The following SCP2 variants were observed in gnomAD, a reference collection of about 807,000 sequenced individuals.
SCP2 encodes the protein SCP-2/3-oxoacyl-CoA thiolase.
In SCP2, 48 loss-of-function variants were observed where a neutral mutation model predicts 71.4. The observed-to-expected ratio is 0.67, with a 90% CI of 0.53 to 0.86. The LOEUF is 0.86. Among genes scored for constraint, SCP2 ranks in the 40% least tolerant of loss-of-function variants. SCP2 has a pLI of 0.00. For synonymous variants in SCP2, 220 were observed against 218.1 expected (o/e 1.01, Z -0.08); for missense variants, 560 against 655.6 (o/e 0.85, Z 1.59).
At chr1:53,024,620 G>T (rs977831422) in intron 12 of SCP2, among the ~76,000 whole-genome samples, 17 of 150,052 alleles carry the variant, frequency 1.1e-4, no homozygotes, top group African/African-American at 4.2e-4. Flanking sequence ...GCCCAGGCTG[G>T]AGTGCAGTGG....
At chr1:52,985,072 A>G (rs1170507501) in intron 10 of SCP2, among the ~76,000 whole-genome samples, 1 of 151,434 alleles carries the variant, frequency 6.6e-6, no homozygotes. Flanking sequence ...CGAACTCCTG[A>G]CCTCAGGTGA....
rs376399217 is a variant in SCP2 at position 53,013,952 on chromosome 1, G to A, written c.1082-938G>A. Among the ~76,000 whole-genome samples the A allele has an allele frequency of 6.9e-3, 912 of 132,828 alleles. 18 individuals are homozygous for A. Among genetic ancestry groups the A allele is most frequent in the African/African-American group, 0.023 (825 of 35,674 alleles). The allele number at this position is 132,828 out of a possible 152,430, so 87.1% of individuals were successfully genotyped here. On this transcript the variant is annotated intron_variant, in intron 11 of 15. Transcript: ENST00000371514. ...GCTCTGTCGCCCAGGCTGGAGTGCA[G>A]TGGCCCGATCTCAGCTCACTGCAAG...
intron 4 of SCP2, among the ~76,000 whole-genome samples, chr1:52,954,305 CTT>C (rs1361159733): frequency 6.7e-6 from 1 of 148,520 alleles, no homozygotes; most frequent in African/African-American, 2.5e-5. Context: ...CAGACTGAAA[CTT>C]TGTGTCAAAA....
chr1:52,972,345 C>T (rs980445480), intron 6 of SCP2, among the ~76,000 whole-genome samples: 7 of 152,146 alleles, frequency 4.6e-5, no homozygotes, highest in African/African-American at 1.7e-4. Flanking sequence ...CATCAGTGGC[C>T]AGGCTTAATA....
intron 1 of SCP2, 63 bp from the exon 2 acceptor site, chr1:52,941,733 T>TAA (rs1654266099): frequency 1.0e-6 from 1 of 956,760 alleles, no homozygotes; most frequent in Non-Finnish European, 1.6e-6. Context: ...AGACTCCGTC[T>TAA]CAAAAAAAAA....
intron 12 of SCP2, among the ~76,000 whole-genome samples, chr1:53,024,567 CT>C (rs1213742580): frequency 1.4e-5 from 2 of 141,318 alleles, no homozygotes; most frequent in African/African-American, 2.7e-5. Flanking sequence ...TTCTTTCTTT[CT>C]TTTTTTTTCT....
rs554511373 is a variant in SCP2, at chr1:53,051,082, T to G, written c.*378T>G. On this transcript the variant is annotated 3_prime_UTR_variant, in exon 16 of 16. Coordinates refer to ENST00000371514, the MANE Select transcript of SCP2 (RefSeq NM_002979.5). ...TGCTGAAGATTCAGTTTAAGAGTTT[T>G]CCTTGGGAGAACTAAGTAAGAAACA... The G allele has an allele frequency of 6.0e-6, 1 of 165,878 alleles. No homozygotes were observed. Among genetic ancestry groups the G allele is most frequent in the South Asian group, 1.6e-4 (1 of 6,320 alleles). 10.3% of individuals were successfully genotyped at this position (165,878 alleles called of 1,614,324 possible).
At chr1:53,034,980 C>G (rs1572218252) in intron 13 of SCP2, among the ~76,000 whole-genome samples, 1 of 152,194 alleles carries the variant, frequency 6.6e-6, no homozygotes, top group African/African-American at 2.4e-5. Context: ...TGGCGGGCAC[C>G]TGTAGTCCCA....
At chr1:52,971,715 C>T (rs1425897381) in intron 6 of SCP2, among the ~76,000 whole-genome samples, 2 of 152,198 alleles carry the variant, frequency 1.3e-5, no homozygotes. Context: ...GCCTGTCCAT[C>T]TAGGTTCTTC....
chr1:52,965,573 A>G (rs575092094), intron 6 of SCP2, among the ~76,000 whole-genome samples: 5 of 152,212 alleles, frequency 3.3e-5, no homozygotes, highest in South Asian at 2.1e-4. Flanking sequence ...GCTATTGCAC[A>G]TGGACTTTTC....
chr1:52,927,333 G>C lies in SCP2; in HGVS notation c.-64G>C. On this transcript the variant is annotated 5_prime_UTR_variant, in exon 1 of 16. Coordinates refer to ENST00000371514, the MANE Select transcript of SCP2 (RefSeq NM_002979.5). ...TCGGGCTTCAGGGAGCTCTGGTGCA[G>C]TCTCCGCCTGTCAGTGCCGGCAGTC... 3.6e-6 allele frequency: 5 copies of C among 1,402,820 alleles called. No homozygotes were observed. Among genetic ancestry groups the C allele is most frequent in the Non-Finnish European group, 3.9e-6 (4 of 1,016,530 alleles). The allele number at this position is 1,402,820 out of a possible 1,614,324, so 86.9% of individuals were successfully genotyped here. A position where few individuals can be genotyped will look rare whatever the true frequency, so the allele number is the denominator to read the frequency against.
chr1:52,983,500 C>T lies in SCP2; in HGVS notation c.973+2957C>T, dbSNP rs796649116. Among the ~76,000 whole-genome samples, 20 of 152,270 alleles carry T rather than the reference C, an allele frequency of 1.3e-4. 1 individual carries two copies. The highest frequency in any genetic ancestry group is 4.6e-4 in the African/African-American group (19 of 41,572). ...TCCCATAGGTCCCTGAAACTGTTCA[C>T]TTTGAATCCCCTTTTCTCTCTGTTC... On this transcript the variant is annotated intron_variant, in intron 10 of 15. Transcript: ENST00000371514.
chr1:52,936,378 T>C (rs1185588275), intron 1 of SCP2, among the ~76,000 whole-genome samples: 1 of 152,252 alleles, frequency 6.6e-6, no homozygotes. Flanking sequence ...ATGTAGTCTC[T>C]GCTGCTAACA....
chr1:52,982,091 T>C (rs945363224), intron 10 of SCP2, among the ~76,000 whole-genome samples: 1 of 152,190 alleles, frequency 6.6e-6, no homozygotes, highest in African/African-American at 2.4e-5. Flanking sequence ...CTATAGAGCA[T>C]GGTTTATCAA....
At chr1:52,954,244 G>T (rs1655594517) in intron 4 of SCP2, among the ~76,000 whole-genome samples, 1 of 150,838 alleles carries the variant, frequency 6.6e-6, no homozygotes, top group Non-Finnish European at 1.5e-5. Flanking sequence ...AGCCTGAGAG[G>T]TTGAAGCTGC....
chr1:53,043,995 CT>C (rs748293317), intron 14 of SCP2, among the ~76,000 whole-genome samples: 2 of 152,036 alleles, frequency 1.3e-5, no homozygotes, highest in Non-Finnish European at 2.9e-5. Context: ...ATAATAAAAC[CT>C]TTTTTTCTAT....
Position 52,941,790 on chromosome 1 carries a change from C to A in SCP2, c.70-6C>A. Reference sequence around the variant, plus strand: ...TTGTATTTATTATCTCTTTCTATATCTCTAGTTTGTGAAGCCTGGAGCTGA... The same window carrying A: ...TTGTATTTATTATCTCTTTCTATATATCTAGTTTGTGAAGCCTGGAGCTGA... On this transcript the variant is annotated splice_region_variant and splice_polypyrimidine_tract_variant and intron_variant, in intron 1 of 15. Coordinates refer to ENST00000371514, the MANE Select transcript of SCP2 (RefSeq NM_002979.5). The A allele has an allele frequency of 6.3e-7, 1 of 1,575,240 alleles. No individual in the cohort carries two copies. The highest frequency in any genetic ancestry group is 8.7e-7 in the Non-Finnish European group (1 of 1,145,052).
chr1:52,936,139 C>T (rs1653722483), intron 1 of SCP2, among the ~76,000 whole-genome samples: 1 of 152,148 alleles, frequency 6.6e-6, no homozygotes, highest in Non-Finnish European at 1.5e-5. Flanking sequence ...ATTCTTCCCA[C>T]TTTATTTTGG....
At chr1:52,956,311 G>T (rs1655789575) in intron 5 of SCP2, among the ~76,000 whole-genome samples, 1 of 152,048 alleles carries the variant, frequency 6.6e-6, no homozygotes. Context: ...TCAAAAAAAA[G>T]AAAATGAGTT....
Sources: allele counts gnomAD v4.1 joint callset (sites outside exome capture counted in the v4.1 genomes callset), GRCh38; gene constraint gnomAD v4.1.1; transcripts MANE v1.5; gene names NCBI Gene and HGNC (gene_info 2026-07-23, HGNC 2026-07-21).